The following BAHD1 variants were observed in gnomAD, a reference collection of about 807,000 sequenced individuals.
The protein encoded by BAHD1 is bromo adjacent homology domain containing 1, also known as bromo adjacent homology domain-containing 1 protein.
Under a neutral mutation model 63.1 loss-of-function variants are expected in BAHD1, and 20 were observed. The ratio of observed to expected loss-of-function variants is 0.32; its 90% CI spans 0.22 to 0.46. The LOEUF is 0.46. Ranked by LOEUF, BAHD1 falls within the 20% of genes least tolerant of loss-of-function variation. The pLI is 1.00. For synonymous variants in BAHD1, 408 were observed against 426.8 expected, an observed-to-expected ratio of 0.96 and a Z score of 0.54; for missense variants, 939 against 1,071.8, an observed-to-expected ratio of 0.88 and a Z score of 1.73.
At chr15:40,460,006 T>A in intron 2 of BAHD1, 110 bp downstream of exon 2, 1 of 1,343,754 alleles carries the variant, frequency 7.4e-7, no homozygotes, top group Non-Finnish European at 9.8e-7. Context: ...GGCTGCTAAC[T>A]GGAAGGTAGG....
chr15:40,446,671 G>A (rs545252542), intron 1 of BAHD1, among the ~76,000 whole-genome samples: 1 of 152,332 alleles, frequency 6.6e-6, no homozygotes, highest in South Asian at 2.1e-4. Flanking sequence ...AAAAAAAACA[G>A]GTGATTTCTT....
In BAHD1 at chr15:40,457,270, G is replaced by A. The variant is rs113453032; in HGVS notation, c.-14-1181G>A. On this transcript the variant is annotated intron_variant, in intron 1 of 6. Coordinates refer to ENST00000416165, the MANE Select transcript of BAHD1 (RefSeq NM_014952.5). ...GTTTAAAGCTGTATGGCAGGTCTAC[G>A]CACCGTCCCTGGGTTTTCTCTACCC... 7.3e-3 allele frequency among the ~76,000 whole-genome samples: 1,117 copies of A among 152,246 alleles called. 16 individuals carry two copies. The highest frequency in any genetic ancestry group is 0.026 in the African/African-American group (1,069 of 41,512).
chr15:40,460,923 T>C (rs762754180), intron 2 of BAHD1, among the ~76,000 whole-genome samples: 3 of 152,198 alleles, frequency 2.0e-5, no homozygotes, highest in Non-Finnish European at 4.4e-5. Flanking sequence ...TCTTTTTTTG[T>C]GCCATTCCCC....
rs776179953 is a variant in BAHD1 at position 40,459,412 on chromosome 15, G to C, written c.948G>C (p.Leu316=). The C allele has an allele frequency of 6.2e-7, 1 of 1,613,026 alleles. No homozygotes were observed. The highest frequency in any genetic ancestry group is 8.5e-7 in the Non-Finnish European group (1 of 1,179,848). ...TGGGGCTGCGCCCTCACCTGCCCCTGCTGATGGGTGGACAGGCGGCTCTGA... is the reference window on the plus strand; with the variant it reads ...TGGGGCTGCGCCCTCACCTGCCCCTCCTGATGGGTGGACAGGCGGCTCTGA... The part of the protein sequence containing the change: ...SPLGLRPHLP[L]LMGGQAALKP... The change falls in exon 2 of 7, where the codon CTG becomes CTC. Residue 316 remains leucine (L), a synonymous_variant. Transcript: ENST00000416165.
chr15:40,446,668 A>AT (rs1374561834), intron 1 of BAHD1, among the ~76,000 whole-genome samples: 1 of 152,200 alleles, frequency 6.6e-6, no homozygotes, highest in Non-Finnish European at 1.5e-5. Context: ...ATGAAAAAAA[A>AT]CAGGTGATTT....
intron 4 of BAHD1, chr15:40,464,229 C>A: frequency 1.5e-6 from 1 of 682,276 alleles, no homozygotes; most frequent in Non-Finnish European, 2.4e-6. Context: ...TTAACCTTTC[C>A]AGCCAGCAGA....
intron 3 of BAHD1, among the ~76,000 whole-genome samples, chr15:40,463,320 A>G (rs1174244320): frequency 6.6e-6 from 1 of 152,244 alleles, no homozygotes; most frequent in Non-Finnish European, 1.5e-5. Flanking sequence ...ATAAATAAAT[A>G]CATAAATACA....
intron 1 of BAHD1, among the ~76,000 whole-genome samples, chr15:40,456,876 G>A (rs1423498864): frequency 6.6e-6 from 1 of 152,228 alleles, no homozygotes; most frequent in Non-Finnish European, 1.5e-5. Flanking sequence ...TTACTTGCCA[G>A]CCCCTGTGCT....
chr15:40,465,313 C>T, intron 5 of BAHD1, 22 bp from the exon 6 acceptor site: 2 of 1,610,742 alleles, frequency 1.2e-6, no homozygotes, highest in East Asian at 2.2e-5. Context: ...CTGGTAACAA[C>T]CTCCACCTGT....
intron 1 of BAHD1, among the ~76,000 whole-genome samples, chr15:40,455,677 C>T (rs1893828016): frequency 6.6e-6 from 1 of 152,218 alleles, no homozygotes; most frequent in Non-Finnish European, 1.5e-5. Context: ...GTGTCCTTAT[C>T]CTCAAAGACG....
At chr15:40,447,448 T>C (rs1893569674) in intron 1 of BAHD1, among the ~76,000 whole-genome samples, 1 of 151,908 alleles carries the variant, frequency 6.6e-6, no homozygotes, top group Non-Finnish European at 1.5e-5. Flanking sequence ...ACACCTGTAA[T>C]TCCAGCTACT....
upstream of BAHD1, among the ~76,000 whole-genome samples, chr15:40,437,963 G>C (rs1218622639): frequency 6.6e-6 from 1 of 152,206 alleles, no homozygotes; most frequent in Non-Finnish European, 1.5e-5. Context: ...AACCCTTCCC[G>C]ATGGGTCTGG....
intron 1 of BAHD1, among the ~76,000 whole-genome samples, chr15:40,455,866 C>T (rs983972690): frequency 7.0e-6 from 1 of 143,156 alleles, no homozygotes; most frequent in African/African-American, 3.0e-5. Context: ...CTAGGAGATA[C>T]TGATGTGCTT....
At chr15:40,460,245 A>G (rs1357998129) in intron 2 of BAHD1, among the ~76,000 whole-genome samples, 2 of 152,186 alleles carry the variant, frequency 1.3e-5, no homozygotes. Flanking sequence ...AGATATTGGA[A>G]TTAGGACTTT....
intron 6 of BAHD1, among the ~76,000 whole-genome samples, 187 bp downstream of exon 6, chr15:40,465,622 G>A (rs955794095): frequency 6.6e-6 from 1 of 152,204 alleles, no homozygotes; most frequent in African/African-American, 2.4e-5. Context: ...TTGGAAGAAA[G>A]AAGAAAAATT....
At position 40,459,359 on chromosome 15, in the gene BAHD1, C is replaced by T. The variant is rs766403621; in HGVS notation, c.895C>T (p.Pro299Ser). ...GCCATCCGTCCAGCCATCTCATCAG[C>T]CCCTGAGCAAGGCTCTGGAGAGCCC... Reference protein sequence around the residue: ...CGPSVQPSHQPLSKALESPLG... With the variant: ...CGPSVQPSHQSLSKALESPLG... Residue 299 changes from proline (P) to serine (S), a missense_variant, in exon 2 of 7, where the codon CCC becomes TCC. Pro to Ser is a moderately conservative substitution (Grantham distance 74). This residue lies in a region of BAHD1 where 797 missense variants were observed against 813.3 expected (regional missense o/e 0.98). Coordinates refer to ENST00000416165, the MANE Select transcript of BAHD1 (RefSeq NM_014952.5). The T allele has an allele frequency of 6.2e-7, 1 of 1,612,858 alleles. No homozygotes were observed.
At chr15:40,445,009 A>G (rs1355403010) in intron 1 of BAHD1, among the ~76,000 whole-genome samples, 2 of 152,020 alleles carry the variant, frequency 1.3e-5, no homozygotes, top group Admixed American at 1.3e-4. Flanking sequence ...CTGTAGCAGG[A>G]GAAAAGCTAC....
In BAHD1 at chr15:40,459,550, C is replaced by T. The variant is rs202063791; in HGVS notation, c.1086C>T (p.Ala362=). The stretch of plus-strand genomic sequence containing the variant: ...CGCTGCCGATGCCTGGCAACCCCGC[C>T]GACTACAATGGCCTGTGTGTTGGGC... The part of the protein sequence containing the change: ...LSPLPMPGNP[A]DYNGLCVGPE... Residue 362 remains alanine, a synonymous_variant, in exon 2 of 7, where the codon GCC becomes GCT. Coordinates refer to ENST00000416165, the MANE Select transcript of BAHD1 (RefSeq NM_014952.5). 3.3e-5 allele frequency: 53 copies of T among 1,614,166 alleles called. 1 individual carries two copies. The Admixed American group carries it at 4.7e-4, about 14-fold the overall frequency.
intron 4 of BAHD1, 170 bp from the exon 5 acceptor site, chr15:40,464,301 C>CT (rs1894140414): frequency 3.0e-6 from 2 of 672,110 alleles, no homozygotes; most frequent in African/African-American, 3.6e-5. Flanking sequence ...CCCTCCATGC[C>CT]TAACAGCATT....
Sources: gnomAD v4.1 joint callset for allele counts (sites outside exome capture counted in the v4.1 genomes callset) on GRCh38, gnomAD v4.1.1 for gene constraint, gnomAD v4.1.1 regional missense constraint, MANE v1.5 for transcripts, NCBI Gene and HGNC (gene_info 2026-07-23, HGNC 2026-07-21) for gene names.